The following FAT3 variants were observed in gnomAD, a reference collection of about 807,000 sequenced individuals.
The protein encoded by FAT3 is protocadherin Fat 3.
Under a neutral mutation model 310.2 loss-of-function variants are expected in FAT3, and 95 were observed. That is an observed-to-expected ratio of 0.31 (90% CI 0.26 to 0.36). The LOEUF is 0.36. FAT3 is among the 10% of genes least tolerant of loss of function. The pLI is 1.00. For synonymous variants in FAT3, 2,314 were observed against 2,192.9 expected (o/e 1.06, Z -1.54); for missense variants, 5,408 against 5,715.6 (o/e 0.95, Z 1.74).
chr11:92,769,069 C>G (rs1946393969), intron 6 of FAT3, among the ~76,000 whole-genome samples: 1 of 152,132 alleles, frequency 6.6e-6, no homozygotes, highest in Admixed American at 6.5e-5. Context: ...TCTTTGTCTC[C>G]CACCATGATA....
At chr11:92,764,426 C>T (rs116410158) in intron 5 of FAT3, among the ~76,000 whole-genome samples, 1,567 of 152,222 alleles carry the variant, frequency 0.01, 25 homozygotes, top group African/African-American at 0.034. Context: ...CAACCACACA[C>T]ATACACATGC....
At chr11:92,718,180 G>A (rs1944746001) in intron 4 of FAT3, among the ~76,000 whole-genome samples, 1 of 152,086 alleles carries the variant, frequency 6.6e-6, no homozygotes, top group Non-Finnish European at 1.5e-5. Flanking sequence ...CTCCCTAGTG[G>A]CAAGATAGAC....
intron 4 of FAT3, among the ~76,000 whole-genome samples, chr11:92,736,884 T>A (rs1945365046): frequency 6.6e-6 from 1 of 152,122 alleles, no homozygotes. Context: ...GATATGATCC[T>A]CCCACTCCTG....
intron 1 of FAT3, among the ~76,000 whole-genome samples, chr11:92,336,668 A>G (rs532620835): frequency 1.7e-4 from 26 of 152,352 alleles, no homozygotes; most frequent in African/African-American, 6.3e-4. Flanking sequence ...GGCCTAGAAC[A>G]GAACTGAATT....
chr11:92,671,812 A>G (rs1943136732), intron 3 of FAT3, among the ~76,000 whole-genome samples: 1 of 152,188 alleles, frequency 6.6e-6, no homozygotes. Context: ...GAATGAATGA[A>G]TGAATGAATG....
At position 92,352,334 on chromosome 11, in the gene FAT3, T is replaced by C. The variant is rs753836681; in HGVS notation, c.222T>C (p.Asp74=). The change falls in exon 2 of 28, where the codon GAT becomes GAC. Residue 74 remains aspartate, a synonymous_variant. Transcript: ENST00000525166. ...SQSRMGITLI[D]LSWDIKYRIV... is the part of the protein sequence containing the mutation. The stretch of plus-strand genomic sequence containing the variant: ...GTAGAATGGGCATCACCTTAATAGA[T>C]CTATCCTGGGATATCAAATACAGAA... The C allele has an allele frequency of 4.4e-5, 69 of 1,572,684 alleles. No individual in the cohort carries two copies. Among genetic ancestry groups the C allele is most frequent in the Non-Finnish European group, 6.0e-5 (69 of 1,154,450 alleles).
rs959173404 is a variant in FAT3 at position 92,433,152 on chromosome 11, G to A, written c.3292+77748G>A. On this transcript the variant is annotated intron_variant, in intron 2 of 27. Transcript: ENST00000525166. ...CTGACAGCGAGAATTTCAAGGCAGT[G>A]GATCTTAGTTTGTTGGCCCCATGGG... Among the ~76,000 whole-genome samples the A allele has an allele frequency of 2.4e-4, 36 of 152,202 alleles. 1 individual carries two copies. Among genetic ancestry groups the A allele is most frequent in the Admixed American group, 2.2e-3 (33 of 15,282 alleles).
At chr11:92,605,329 G>T (rs1382955264) in intron 3 of FAT3, among the ~76,000 whole-genome samples, 1 of 152,204 alleles carries the variant, frequency 6.6e-6, no homozygotes, top group African/African-American at 2.4e-5. Flanking sequence ...CCTCACCCTG[G>T]ATGACGATCC....
Position 92,631,586 on chromosome 11 carries a change from G to T in FAT3, c.3608-65798G>T, listed in dbSNP as rs371327503. 2.0e-5 allele frequency among the ~76,000 whole-genome samples: 3 copies of T among 151,864 alleles called. No homozygotes were observed. The South Asian group carries it at 6.3e-4, about 32-fold the overall frequency. Reference sequence around the variant, plus strand: ...GTAAGACGTGCCTTTCTTCCCCTTCGCCTTCTGCCATGATCACAAGTTTCC... The same window carrying T: ...GTAAGACGTGCCTTTCTTCCCCTTCTCCTTCTGCCATGATCACAAGTTTCC... On this transcript the variant is annotated intron_variant, in intron 3 of 27. Coordinates refer to ENST00000525166, the MANE Select transcript of FAT3 (RefSeq NM_001367949.2).
chr11:92,880,942 C>T (rs1949658872), intron 23 of FAT3, 58 bp downstream of exon 23: 5 of 1,554,018 alleles, frequency 3.2e-6, no homozygotes, highest in Non-Finnish European at 4.4e-6. Context: ...TACAACAAAC[C>T]AGTAAACAAC....
intron 3 of FAT3, among the ~76,000 whole-genome samples, chr11:92,622,936 G>C (rs1941151805): frequency 6.6e-6 from 1 of 151,878 alleles, no homozygotes; most frequent in Admixed American, 6.6e-5. Context: ...CCTACTCCTG[G>C]GTGGTTCCAT....
chr11:92,733,479 C>T (rs1044420842), intron 4 of FAT3, among the ~76,000 whole-genome samples: 7 of 151,970 alleles, frequency 4.6e-5, no homozygotes, highest in Non-Finnish European at 1.0e-4. Flanking sequence ...GGCTTGAATA[C>T]CAGATATGAG....
At chr11:92,780,162 T>TC (rs1946708512) in intron 7 of FAT3, among the ~76,000 whole-genome samples, 2 of 62,218 alleles carry the variant, frequency 3.2e-5, no homozygotes, top group Admixed American at 4.1e-4. Context: ...CTTTTTTTTT[T>TC]CTTTTTTTTT....
intron 3 of FAT3, among the ~76,000 whole-genome samples, chr11:92,687,165 C>G (rs996387256): frequency 3.3e-5 from 5 of 152,080 alleles, no homozygotes; most frequent in Non-Finnish European, 7.4e-5. Flanking sequence ...GATACTGTGC[C>G]TGCTTTTTAA....
chr11:92,703,149 T>C (rs1489126380), intron 4 of FAT3, among the ~76,000 whole-genome samples: 1 of 152,252 alleles, frequency 6.6e-6, no homozygotes, highest in African/African-American at 2.4e-5. Flanking sequence ...TCCCTTTTTA[T>C]AGTTTTATTT....
At chr11:92,595,206 CAT>C (rs1177121199) in intron 3 of FAT3, among the ~76,000 whole-genome samples, 4 of 152,090 alleles carry the variant, frequency 2.6e-5, no homozygotes. Context: ...TTCAACACCA[CAT>C]GAGTTCAGGA....
chr11:92,315,160 A>G (rs1947404839), intron 1 of FAT3, among the ~76,000 whole-genome samples: 1 of 151,306 alleles, frequency 6.6e-6, no homozygotes, highest in South Asian at 2.1e-4. Context: ...TCCTAAGCAG[A>G]TCTTCAAGCT....
At chr11:92,308,550 T>G (rs2134447740) in intron 1 of FAT3, among the ~76,000 whole-genome samples, 1 of 152,218 alleles carries the variant, frequency 6.6e-6, no homozygotes, top group East Asian at 1.9e-4. Flanking sequence ...TTACCACAGG[T>G]TAGCTAACAT....
intron 2 of FAT3, among the ~76,000 whole-genome samples, chr11:92,483,686 A>G (rs1417337447): frequency 6.6e-6 from 1 of 150,946 alleles, no homozygotes; most frequent in Non-Finnish European, 1.5e-5. Flanking sequence ...CAAACACATC[A>G]TATCCCTGGA....
Sources: gnomAD v4.1 joint callset for allele counts (sites outside exome capture counted in the v4.1 genomes callset) on GRCh38, gnomAD v4.1.1 for gene constraint, MANE v1.5 for transcripts, NCBI Gene and HGNC (gene_info 2026-07-23, HGNC 2026-07-21) for gene names.